The following JAZF1 variants were observed in gnomAD, a reference collection of about 807,000 sequenced individuals.
The protein encoded by JAZF1 is juxtaposed with another zinc finger protein 1.
Under a neutral mutation model 26.4 loss-of-function variants are expected in JAZF1, and 8 were observed. The ratio of observed to expected loss-of-function variants is 0.30; its 90% confidence interval spans 0.18 to 0.55. JAZF1 has a LOEUF of 0.55. Among genes scored for constraint, JAZF1 ranks in the 20% least tolerant of loss-of-function variants. The pLI, the probability that JAZF1 is intolerant of heterozygous loss-of-function variation, is 0.94. For synonymous variants in JAZF1, 126 were observed against 122.3 expected, an observed-to-expected ratio of 1.03 and a Z score of -0.20; for missense variants, 199 against 322.0, an observed-to-expected ratio of 0.62 and a Z score of 2.92.
intron 3 of JAZF1, among the ~76,000 whole-genome samples, chr7:27,845,203 T>C (rs1044092765): frequency 1.3e-5 from 2 of 152,222 alleles, no homozygotes; most frequent in African/African-American, 4.8e-5. Context: ...GACAGGTCTT[T>C]GCAGTGTGAG....
intron 2 of JAZF1, among the ~76,000 whole-genome samples, chr7:27,950,737 A>G (rs1337740331): frequency 6.6e-6 from 1 of 152,164 alleles, no homozygotes; most frequent in Non-Finnish European, 1.5e-5. Context: ...TGAGCTTGAT[A>G]TTTAGCCAAG....
At chr7:28,170,337 A>ATGTGTGTGTGTGTGTGTGTGTGTG (rs61200785) in intron 1 of JAZF1, among the ~76,000 whole-genome samples, 17 of 98,540 alleles carry the variant, frequency 1.7e-4, no homozygotes, top group Non-Finnish European at 3.3e-4. Flanking sequence ...AGAAGTTGAT[A>ATGTGTGTGTGTGTGTGTGTGTGTG]TGTGTGTGTG....
Position 27,992,190 on chromosome 7 carries a change from A to T in JAZF1, c.116-209T>A, listed in dbSNP as rs117797802. 4.9e-3 allele frequency: 3,100 copies of T among 626,862 alleles called. 24 individuals carry two copies. The highest frequency in any genetic ancestry group is 0.015 in the Middle Eastern group (58 of 3,900). The allele number at this position is 626,862 out of a possible 1,614,324, so 38.8% of individuals were successfully genotyped here. Reference sequence around the variant, plus strand: ...ATTACTTTTCAAGGGAATTCCAAACATCAACAGTGATAAAATGTCCATCTG... The same window carrying T: ...ATTACTTTTCAAGGGAATTCCAAACTTCAACAGTGATAAAATGTCCATCTG... On this transcript the variant is annotated intron_variant, in intron 1 of 4. Coordinates refer to ENST00000283928, the MANE Select transcript of JAZF1 (RefSeq NM_175061.4).
intron 1 of JAZF1, among the ~76,000 whole-genome samples, chr7:28,092,323 A>AAAAAAAAAAAAAAAAAAAAAC (rs1784314845): frequency 7.4e-6 from 1 of 136,024 alleles, no homozygotes; most frequent in Non-Finnish European, 1.6e-5. Flanking sequence ...AAAAAAAAAA[A>AAAAAAAAAAAAAAAAAAAAAC]AAACAACTAA....
At chr7:28,164,354 C>T (rs950193108) in intron 1 of JAZF1, among the ~76,000 whole-genome samples, 24 of 152,204 alleles carry the variant, frequency 1.6e-4, no homozygotes, top group African/African-American at 5.3e-4. Context: ...ATTACAGGTA[C>T]GAATATATGT....
chr7:28,170,337 ATGTGTGTGTGTGTG>A lies in JAZF1; in HGVS notation c.115+10112_115+10125del, dbSNP rs61200785. 3.5e-3 allele frequency among the ~76,000 whole-genome samples: 348 copies of A among 98,546 alleles called. 2 individuals carry two copies. The highest frequency in any genetic ancestry group is 9.1e-3 in the African/African-American group (248 of 27,212). 64.7% of individuals were successfully genotyped at this position (98,546 alleles called of 152,430 possible). ...AATCTGAAGTAAAAGAGAAGTTGAT[ATGTGTGTGTGTGTG>A]TGTGTGTGTGTGTGTGTGTGTGTGT... On this transcript the variant is annotated intron_variant, in intron 1 of 4. Transcript: ENST00000283928.
intron 4 of JAZF1, among the ~76,000 whole-genome samples, chr7:27,835,972 T>C (rs1046097257): frequency 1.3e-5 from 2 of 152,198 alleles, no homozygotes; most frequent in East Asian, 1.9e-4. Flanking sequence ...TTGATGTCAA[T>C]TGCCTTATTT....
intron 4 of JAZF1, among the ~76,000 whole-genome samples, chr7:27,833,640 A>G (rs1414676422): frequency 6.6e-6 from 1 of 152,258 alleles, no homozygotes; most frequent in Non-Finnish European, 1.5e-5. Flanking sequence ...TAAGTATTAC[A>G]TTCCAAACAT....
chr7:28,104,786 T>G (rs1308268993), intron 1 of JAZF1, among the ~76,000 whole-genome samples: 2 of 152,214 alleles, frequency 1.3e-5, no homozygotes, highest in Non-Finnish European at 1.5e-5. Flanking sequence ...CCCATTTTTG[T>G]CTTCCCATGG....
intron 3 of JAZF1, among the ~76,000 whole-genome samples, chr7:27,857,156 G>A (rs1287563342): frequency 2.0e-5 from 3 of 152,230 alleles, no homozygotes; most frequent in East Asian, 1.9e-4. Context: ...TGGGGGCGGG[G>A]GGAGGCTCAG....
intron 3 of JAZF1, among the ~76,000 whole-genome samples, chr7:27,866,532 A>G (rs1001788389): frequency 6.6e-6 from 1 of 152,220 alleles, no homozygotes; most frequent in African/African-American, 2.4e-5. Context: ...CTGTGGTTTC[A>G]TAAGCATATT....
rs887171938 is a variant in JAZF1, at chr7:27,943,727, G to T, written c.188+48182C>A. Among the ~76,000 whole-genome samples, 3 of 152,208 alleles carry T rather than the reference G, an allele frequency of 2.0e-5. No homozygotes were observed. In the East Asian group the frequency reaches 5.8e-4, roughly 29 times the overall value. On this transcript the variant is annotated intron_variant, in intron 2 of 4. Coordinates refer to ENST00000283928, the MANE Select transcript of JAZF1 (RefSeq NM_175061.4). ...GCTTTCCCATAAAGTGAGCATGCCT[G>T]TGCTTTCTTTGATGAGTGATGCTAA...
chr7:27,840,607 G>A lies in JAZF1; in HGVS notation c.555+91C>T, dbSNP rs1178399265. 10 of 1,332,978 alleles carry A rather than the reference G, an allele frequency of 7.5e-6. No individual in the cohort carries two copies. Among genetic ancestry groups the A allele is most frequent in the South Asian group, 2.6e-5 (2 of 76,664 alleles). The allele number at this position is 1,332,978 out of a possible 1,614,324, so 82.6% of individuals were successfully genotyped here. On this transcript the variant is annotated intron_variant, in intron 4 of 4. Transcript: ENST00000283928. The surrounding 1 kb of genome is among the most constrained non-coding windows in gnomAD (Gnocchi z 5.1). ...GGGAGTGTCTCCCCCCAGCCCATAC[G>A]CTCGCTTTAAAATCAAGAAAGGGCT...
chr7:28,051,157 CAA>C (rs1783609013), intron 1 of JAZF1, among the ~76,000 whole-genome samples: 3 of 126,538 alleles, frequency 2.4e-5, no homozygotes, highest in Admixed American at 8.1e-5. Context: ...AAAAAAAAAA[CAA>C]AGTCTACTAC....
intron 3 of JAZF1, among the ~76,000 whole-genome samples, chr7:27,891,996 A>C (rs753548596): frequency 6.6e-6 from 1 of 152,242 alleles, no homozygotes; most frequent in Non-Finnish European, 1.5e-5. Context: ...CAAGATGACT[A>C]TTACTTCTGA....
At chr7:27,889,919 T>G in intron 3 of JAZF1, among the ~76,000 whole-genome samples, 1 of 125,904 alleles carries the variant, frequency 7.9e-6, no homozygotes. Flanking sequence ...AGTGATAGAG[T>G]GAGACTTTCT....
At chr7:27,983,685 A>G (rs1278057990) in intron 2 of JAZF1, among the ~76,000 whole-genome samples, 1 of 152,184 alleles carries the variant, frequency 6.6e-6, no homozygotes, top group African/African-American at 2.4e-5. Context: ...AAAAAATAAT[A>G]AGGGCAGCCA....
chr7:28,146,870 T>G (rs1408072381), intron 1 of JAZF1, among the ~76,000 whole-genome samples: 1 of 151,364 alleles, frequency 6.6e-6, no homozygotes, highest in Non-Finnish European at 1.5e-5. Context: ...TTTTGTTTTT[T>G]TTTTTTGAGA....
intron 1 of JAZF1, among the ~76,000 whole-genome samples, chr7:28,018,391 G>A (rs1177597122): frequency 6.6e-6 from 1 of 152,176 alleles, no homozygotes; most frequent in Non-Finnish European, 1.5e-5. Flanking sequence ...GAAAGACACA[G>A]GACAGTCTTA....
Sources: gnomAD v4.1 joint callset for allele counts (sites outside exome capture counted in the v4.1 genomes callset) on GRCh38, gnomAD v4.1.1 for gene constraint, Gnocchi (gnomAD v3.1) non-coding constraint, MANE v1.5 for transcripts, NCBI Gene and HGNC (gene_info 2026-07-23, HGNC 2026-07-21) for gene names.